Variants in COMMD10 observed in about 807,000 individuals in gnomAD.
COMMD10 encodes the protein COMM domain containing 10.
In COMMD10, 33 loss-of-function variants were observed where a neutral mutation model predicts 28.9. The ratio of observed to expected loss-of-function variants is 1.14; its 90% CI spans 0.87 to 1.53. The LOEUF (loss-of-function observed/expected upper bound fraction) is 1.53, where lower values mean the gene tolerates loss of function less well. Among genes scored for constraint, COMMD10 ranks in the 40% most tolerant of loss-of-function variants. The pLI is 0.00. For synonymous variants in COMMD10, 110 were observed against 81.7 expected, an observed-to-expected ratio of 1.35 and a Z score of -1.87; for missense variants, 310 against 233.4, an observed-to-expected ratio of 1.33 and a Z score of -2.14.
At chr5:116,132,663 A>G (rs1342385349) in intron 4 of COMMD10, among the ~76,000 whole-genome samples, 1 of 152,132 alleles carries the variant, frequency 6.6e-6, no homozygotes, top group Admixed American at 6.5e-5. Context: ...GACGGCATGT[A>G]TGCCAGTGCT....
chr5:116,172,222 A>G (rs568872594), intron 5 of COMMD10, among the ~76,000 whole-genome samples: 2 of 152,258 alleles, frequency 1.3e-5, no homozygotes, highest in East Asian at 3.9e-4. Context: ...TTTATTTAAT[A>G]TGTAAGGCTG....
At chr5:116,153,235 T>C (rs1285535870) in intron 5 of COMMD10, among the ~76,000 whole-genome samples, 1 of 152,138 alleles carries the variant, frequency 6.6e-6, no homozygotes, top group Admixed American at 6.6e-5. Flanking sequence ...GTCTAATTAA[T>C]AGTCGTTCCT....
At chr5:116,266,868 C>T (rs887642666) in intron 5 of COMMD10, among the ~76,000 whole-genome samples, 3 of 151,830 alleles carry the variant, frequency 2.0e-5, no homozygotes, top group Non-Finnish European at 4.4e-5. Flanking sequence ...TCAATAGATG[C>T]AGAAAAGGCC....
rs1275009264 is a variant in COMMD10 at position 116,160,258 on chromosome 5, T to G, written c.510+26080T>G. ...GAATTGTTACAACTTTTGCTGCAGG[T>G]TACTGTTTTGAGGACAAACTATGAG... On this transcript the variant is annotated intron_variant, in intron 5 of 6. Transcript: ENST00000274458. Among the ~76,000 whole-genome samples the G allele has an allele frequency of 2.0e-5, 3 of 152,202 alleles. 1 individual carries two copies. The highest frequency in any genetic ancestry group is 2.9e-5 in the Non-Finnish European group (2 of 68,032).
intron 4 of COMMD10, among the ~76,000 whole-genome samples, chr5:116,120,514 A>T (rs1192377847): frequency 6.6e-6 from 1 of 152,138 alleles, no homozygotes. Context: ...AATTAAAAAA[A>T]ATTTTTTTTA....
At chr5:116,099,242 C>G (rs908427883) in intron 4 of COMMD10, among the ~76,000 whole-genome samples, 6 of 152,154 alleles carry the variant, frequency 3.9e-5, no homozygotes, top group Admixed American at 2.6e-4. Context: ...CTGTGCCTGG[C>G]TTATTTCACT....
intron 5 of COMMD10, among the ~76,000 whole-genome samples, chr5:116,185,233 C>CT (rs201789198): frequency 7.8e-6 from 1 of 128,020 alleles, no homozygotes; most frequent in Non-Finnish European, 1.5e-5. Flanking sequence ...AGAATTTTTA[C>CT]TTTTTTTTCA....
At chr5:116,232,107 G>A (rs1014876244) in intron 5 of COMMD10, among the ~76,000 whole-genome samples, 2 of 152,066 alleles carry the variant, frequency 1.3e-5, no homozygotes, top group Non-Finnish European at 2.9e-5. Context: ...TAATTGGCAG[G>A]AACCCTGCTT....
chr5:116,196,874 G>A (rs1024930848), intron 5 of COMMD10, among the ~76,000 whole-genome samples: 4 of 151,976 alleles, frequency 2.6e-5, no homozygotes, highest in African/African-American at 9.7e-5. Flanking sequence ...ACTGAACAAA[G>A]CCTAAAAATT....
chr5:116,277,033 A>G (rs1467265028), intron 5 of COMMD10, among the ~76,000 whole-genome samples: 1 of 151,878 alleles, frequency 6.6e-6, no homozygotes, highest in Non-Finnish European at 1.5e-5. Flanking sequence ...TGTGTGGGAC[A>G]TGAATATTTC....
At chr5:116,135,843 C>G (rs1752010915) in intron 5 of COMMD10, among the ~76,000 whole-genome samples, 1 of 152,142 alleles carries the variant, frequency 6.6e-6, no homozygotes, top group Non-Finnish European at 1.5e-5. Context: ...GGCAGGGGGA[C>G]TACTGTGTGC....
chr5:116,152,783 A>T (rs894225853), intron 5 of COMMD10, among the ~76,000 whole-genome samples: 5 of 151,978 alleles, frequency 3.3e-5, no homozygotes, highest in Non-Finnish European at 7.4e-5. Flanking sequence ...TTTTTTACTG[A>T]TTGTAATTAT....
At chr5:116,232,326 C>A (rs1749547988) in intron 5 of COMMD10, among the ~76,000 whole-genome samples, 1 of 148,998 alleles carries the variant, frequency 6.7e-6, no homozygotes, top group African/African-American at 2.5e-5. Flanking sequence ...TGCAGATACA[C>A]AGACTGAATA....
At chr5:116,118,115 C>G (rs551529255) in intron 4 of COMMD10, among the ~76,000 whole-genome samples, 3 of 152,170 alleles carry the variant, frequency 2.0e-5, no homozygotes, top group Non-Finnish European at 4.4e-5. Context: ...CTCTTTACTT[C>G]AAAAGTTCTG....
At chr5:116,210,647 C>G (rs1442094454) in intron 5 of COMMD10, among the ~76,000 whole-genome samples, 6 of 152,062 alleles carry the variant, frequency 3.9e-5, no homozygotes, top group Non-Finnish European at 1.5e-5. Flanking sequence ...CACATACAGT[C>G]TATCAACAAA....
chr5:116,262,751 C>T (rs944909928), intron 5 of COMMD10, among the ~76,000 whole-genome samples: 1 of 151,816 alleles, frequency 6.6e-6, no homozygotes, highest in Non-Finnish European at 1.5e-5. Context: ...TTTATAGCCT[C>T]ATTACTCATT....
intron 5 of COMMD10, among the ~76,000 whole-genome samples, chr5:116,196,876 C>G (rs1228145035): frequency 6.6e-6 from 1 of 151,864 alleles, no homozygotes; most frequent in Admixed American, 6.6e-5. Context: ...TGAACAAAGC[C>G]TAAAAATTAA....
At chr5:116,199,497 T>C (rs1748609003) in intron 5 of COMMD10, among the ~76,000 whole-genome samples, 2 of 152,162 alleles carry the variant, frequency 1.3e-5, no homozygotes, top group South Asian at 4.1e-4. Flanking sequence ...CTTTCTTTTA[T>C]GGACTGTAGC....
intron 5 of COMMD10, among the ~76,000 whole-genome samples, chr5:116,182,356 AT>A (rs1747997194): frequency 1.3e-5 from 2 of 151,998 alleles, no homozygotes; most frequent in African/African-American, 4.8e-5. Context: ...TAGGTTTCCG[AT>A]TTATGTAAAT....
Sources: allele counts gnomAD v4.1 joint callset (sites outside exome capture counted in the v4.1 genomes callset), GRCh38; gene constraint gnomAD v4.1.1; transcripts MANE v1.5; gene names NCBI Gene and HGNC (gene_info 2026-07-23, HGNC 2026-07-21).